The following DNAI4 variants were observed in gnomAD, a reference collection of about 807,000 sequenced individuals.
The protein encoded by DNAI4 is dynein axonemal intermediate chain 4, also known as WD repeat domain 78.
A neutral mutation model predicts 105.8 loss-of-function variants in DNAI4; 85 were observed. That is an observed-to-expected ratio of 0.80 (90% CI 0.67 to 0.96). The LOEUF (loss-of-function observed/expected upper bound fraction) is 0.96. Among genes scored for constraint, DNAI4 ranks in the 40% least tolerant of loss-of-function variants. DNAI4 has a pLI of 0.00. For synonymous variants in DNAI4, 352 were observed against 331.5 expected, an observed-to-expected ratio of 1.06 and a Z score of -0.67; for missense variants, 1,014 against 1,005.6, an observed-to-expected ratio of 1.01 and a Z score of -0.11.
intron 7 of DNAI4, among the ~76,000 whole-genome samples, chr1:66,858,532 C>CAAAAAAAAAAAAAAAAAA (rs3033717): frequency 7.9e-5 from 5 of 63,584 alleles, no homozygotes; most frequent in African/African-American, 1.7e-4. Context: ...GACTCCGTCT[C>CAAAAAAAAAAAAAAAAAA]AAAAAAAAAA....
At chr1:66,895,611 T>G (rs1210065792) in intron 2 of DNAI4, among the ~76,000 whole-genome samples, 1 of 152,196 alleles carries the variant, frequency 6.6e-6, no homozygotes, top group Non-Finnish European at 1.5e-5. Context: ...CAATTTGAAC[T>G]GATTTATGTT....
chr1:66,831,804 A>G (rs1645871060), intron 13 of DNAI4, among the ~76,000 whole-genome samples: 1 of 152,246 alleles, frequency 6.6e-6, no homozygotes, highest in South Asian at 2.1e-4. Context: ...AATAAAGGCA[A>G]GCAGGTTAGA....
At chr1:66,907,879 C>T (rs1347316569) in intron 1 of DNAI4, among the ~76,000 whole-genome samples, 1 of 152,126 alleles carries the variant, frequency 6.6e-6, no homozygotes, top group African/African-American at 2.4e-5. Flanking sequence ...AGCTTAAATA[C>T]CCTCTCAAAC....
chr1:66,904,995 C>G (rs1347206806), intron 2 of DNAI4: 2 of 426,188 alleles, frequency 4.7e-6, no homozygotes, highest in Non-Finnish European at 8.2e-6. Context: ...TCATTCCACT[C>G]TAATATTCTT....
At chr1:66,842,355 A>T (rs1169942196) in intron 8 of DNAI4, among the ~76,000 whole-genome samples, 1 of 152,142 alleles carries the variant, frequency 6.6e-6, no homozygotes, top group Non-Finnish European at 1.5e-5. Context: ...TTACTAAATC[A>T]TACGGTAAGA....
chr1:66,821,854 T>C (rs1645633595), intron 16 of DNAI4, among the ~76,000 whole-genome samples: 1 of 152,176 alleles, frequency 6.6e-6, no homozygotes, highest in Non-Finnish European at 1.5e-5. Context: ...TTTTTTTAAA[T>C]AATAGGCATC....
At chr1:66,860,452 C>G (rs1054615611) in intron 7 of DNAI4, among the ~76,000 whole-genome samples, 2 of 151,910 alleles carry the variant, frequency 1.3e-5, no homozygotes, top group Non-Finnish European at 1.5e-5. Flanking sequence ...ATCTGAATTT[C>G]CTTTACATTT....
At chr1:66,880,129 T>A (rs1259467032) in intron 4 of DNAI4, among the ~76,000 whole-genome samples, 1 of 152,226 alleles carries the variant, frequency 6.6e-6, no homozygotes, top group Non-Finnish European at 1.5e-5. Flanking sequence ...CCTTCTGGCA[T>A]GATGGTGAGG....
intron 10 of DNAI4, among the ~76,000 whole-genome samples, chr1:66,836,624 T>C (rs1317670136): frequency 6.6e-6 from 1 of 152,224 alleles, no homozygotes; most frequent in Non-Finnish European, 1.5e-5. Context: ...TTTCCTGCTT[T>C]TAACCACCTA....
chr1:66,881,500 G>C (rs559054561), intron 4 of DNAI4, among the ~76,000 whole-genome samples: 16 of 152,198 alleles, frequency 1.1e-4, no homozygotes, highest in Non-Finnish European at 2.4e-4. Context: ...TTTAAAATTT[G>C]ACTGCCCTGC....
In DNAI4 at chr1:66,834,162, A is replaced by G. The variant is rs768435231; in HGVS notation, c.1734-14T>C. On this transcript the variant is annotated splice_polypyrimidine_tract_variant and intron_variant, in intron 11 of 16. Coordinates refer to ENST00000371026, the MANE Select transcript of DNAI4 (RefSeq NM_024763.5). Reference sequence around the variant, plus strand: ...TGAGGTGATTCACTAAAACAGTAAAAAAAATACTAAACATATAATCATTAT... The same window carrying G: ...TGAGGTGATTCACTAAAACAGTAAAGAAAATACTAAACATATAATCATTAT... The G allele has an allele frequency of 2.0e-5, 32 of 1,578,740 alleles. No individual in the cohort carries two copies. Among genetic ancestry groups the G allele is most frequent in the Non-Finnish European group, 2.5e-5 (29 of 1,165,388 alleles).
At chr1:66,844,472 A>G (rs978835094) in intron 8 of DNAI4, among the ~76,000 whole-genome samples, 1 of 151,982 alleles carries the variant, frequency 6.6e-6, no homozygotes, top group East Asian at 1.9e-4. Flanking sequence ...CTGAGGTGGG[A>G]GAATCCCTTG....
intron 1 of DNAI4, among the ~76,000 whole-genome samples, chr1:66,914,304 CCT>C (rs1276875797): frequency 4.6e-5 from 7 of 152,048 alleles, no homozygotes; most frequent in African/African-American, 1.7e-4. Flanking sequence ...GTTCCTAAGT[CCT>C]CTTTTTCTCT....
At chr1:66,919,292 G>C (rs931792848) in intron 1 of DNAI4, among the ~76,000 whole-genome samples, 1 of 152,050 alleles carries the variant, frequency 6.6e-6, no homozygotes, top group Non-Finnish European at 1.5e-5. Flanking sequence ...TTGACTACTA[G>C]ATAGCTCTAG....
At chr1:66,831,131 A>AT (rs1645858838) in intron 13 of DNAI4, among the ~76,000 whole-genome samples, 1 of 152,024 alleles carries the variant, frequency 6.6e-6, no homozygotes, top group African/African-American at 2.4e-5. Flanking sequence ...CTCAAGAAGC[A>AT]ATAGATAACC....
At chr1:66,916,292 G>A (rs1056064227) in intron 1 of DNAI4, among the ~76,000 whole-genome samples, 4 of 152,048 alleles carry the variant, frequency 2.6e-5, no homozygotes, top group African/African-American at 9.7e-5. Context: ...TACAAATAAA[G>A]AAATTGAGAT....
chr1:66,897,183 T>C (rs1174741975), intron 2 of DNAI4, among the ~76,000 whole-genome samples: 1 of 152,238 alleles, frequency 6.6e-6, no homozygotes, highest in African/African-American at 2.4e-5. Flanking sequence ...GTCTTTGTTA[T>C]AAAGTAGTAA....
intron 9 of DNAI4, among the ~76,000 whole-genome samples, chr1:66,840,182 C>T (rs776001070): frequency 1.3e-5 from 2 of 152,136 alleles, no homozygotes; most frequent in Non-Finnish European, 2.9e-5. Flanking sequence ...TCATATCTAA[C>T]ATGAATTCAG....
chr1:66,874,675 G>A (rs915614175), intron 5 of DNAI4, 106 bp downstream of exon 5: 1 of 1,130,624 alleles, frequency 8.8e-7, no homozygotes, highest in Non-Finnish European at 1.2e-6. Flanking sequence ...AAACCCCATA[G>A]TGTATACCCC....
Sources: allele counts gnomAD v4.1 joint callset (sites outside exome capture counted in the v4.1 genomes callset), GRCh38; gene constraint gnomAD v4.1.1; transcripts MANE v1.5; gene names NCBI Gene and HGNC (gene_info 2026-07-23, HGNC 2026-07-21).